PACS1: variants seen among roughly 807,000 people sequenced by gnomAD.
PACS1 encodes phosphofurin acidic cluster sorting protein 1.
Under a neutral mutation model 115.0 loss-of-function variants are expected in PACS1, and 24 were observed. That is an observed-to-expected ratio of 0.21 (90% CI 0.15 to 0.29). PACS1 has a LOEUF of 0.29. Ranked by LOEUF, PACS1 falls within the 10% of genes least tolerant of loss-of-function variation. The pLI is 1.00. For synonymous variants in PACS1, 453 were observed against 504.5 expected, an observed-to-expected ratio of 0.90 and a Z score of 1.37; for missense variants, 838 against 1,251.2, an observed-to-expected ratio of 0.67 and a Z score of 4.98.
intron 1 of PACS1, among the ~76,000 whole-genome samples, chr11:66,136,701 C>A (rs1018022355): frequency 6.6e-6 from 1 of 152,074 alleles, no homozygotes; most frequent in African/African-American, 2.4e-5. Context: ...TTCCACTGAA[C>A]AAGAATTCAG....
intron 1 of PACS1, among the ~76,000 whole-genome samples, chr11:66,136,994 C>A (rs1359958029): frequency 6.6e-5 from 10 of 150,916 alleles, no homozygotes; most frequent in Admixed American, 6.0e-4. Flanking sequence ...TGAAAATAGC[C>A]CTATGTCTTG....
At chr11:66,089,285 A>G (rs879511132) in intron 1 of PACS1, among the ~76,000 whole-genome samples, 1 of 152,160 alleles carries the variant, frequency 6.6e-6, no homozygotes, top group Non-Finnish European at 1.5e-5. Context: ...TTGAGACTCA[A>G]TTGTTAAAGA....
chr11:66,195,412 G>A (rs4930344), intron 2 of PACS1, among the ~76,000 whole-genome samples: 2 of 151,870 alleles, frequency 1.3e-5, no homozygotes, highest in African/African-American at 2.4e-5. Context: ...CCCGATTTTG[G>A]TCCCCATTTC....
intron 3 of PACS1, 61 bp from the exon 4 acceptor site, chr11:66,211,073 A>AG (rs1205360166): frequency 3.8e-5 from 61 of 1,593,082 alleles, no homozygotes; most frequent in Admixed American, 1.3e-4. Flanking sequence ...TGTGTCCTCC[A>AG]GAACCCCTCA....
chr11:66,091,920 A>G (rs11605328), intron 1 of PACS1, among the ~76,000 whole-genome samples: 32,099 of 151,980 alleles, frequency 0.21, 4,402 homozygotes, highest in Non-Finnish European at 0.3. Flanking sequence ...CCAGTCTATC[A>G]TTGTTGGACA....
intron 2 of PACS1, among the ~76,000 whole-genome samples, chr11:66,202,726 G>GGGGAAAAAA (rs1554988658): frequency 9.1e-5 from 1 of 10,954 alleles, no homozygotes; most frequent in African/African-American, 2.4e-4. Flanking sequence ...TCATCTCTAG[G>GGGGAAAAAA]AAAAAAAAAA....
At chr11:66,156,070 C>T (rs1022155702) in intron 1 of PACS1, among the ~76,000 whole-genome samples, 20 of 151,288 alleles carry the variant, frequency 1.3e-4, no homozygotes, top group Non-Finnish European at 2.1e-4. Flanking sequence ...TGCAAAGAGG[C>T]GTAAAGGAAC....
chr11:66,221,063 G>T, intron 9 of PACS1, 91 bp from the exon 10 acceptor site: 1 of 1,260,462 alleles, frequency 7.9e-7, no homozygotes, highest in Non-Finnish European at 1.2e-6. Context: ...GTAGCTTGTT[G>T]ACCCACCCTG....
intron 1 of PACS1, among the ~76,000 whole-genome samples, chr11:66,187,202 G>T (rs761258135): frequency 6.6e-6 from 1 of 151,966 alleles, no homozygotes; most frequent in Non-Finnish European, 1.5e-5. Context: ...TTTTAAAATT[G>T]ACCGATCTTA....
At chr11:66,118,869 A>G (rs1263853543) in intron 1 of PACS1, among the ~76,000 whole-genome samples, 1 of 151,314 alleles carries the variant, frequency 6.6e-6, no homozygotes, top group African/African-American at 2.4e-5. Flanking sequence ...TATTTTTTTG[A>G]GCATCTGTGT....
intron 1 of PACS1, among the ~76,000 whole-genome samples, chr11:66,085,223 G>A (rs1011328845): frequency 7.2e-5 from 11 of 151,872 alleles, no homozygotes; most frequent in Admixed American, 5.9e-4. Context: ...TTGAAAGACT[G>A]GTTTGCTGTA....
chr11:66,189,209 T>C (rs1430071382), intron 1 of PACS1, among the ~76,000 whole-genome samples: 1 of 152,176 alleles, frequency 6.6e-6, no homozygotes, highest in African/African-American at 2.4e-5. Flanking sequence ...CCTTGAGTCA[T>C]GCCATTGAAA....
intron 7 of PACS1, chr11:66,217,491 C>G (rs1267291058): frequency 6.6e-6 from 3 of 451,784 alleles, no homozygotes; most frequent in Non-Finnish European, 8.9e-6. Flanking sequence ...CCAGAGGCAT[C>G]CTGATTCTCC....
intron 1 of PACS1, among the ~76,000 whole-genome samples, chr11:66,073,303 T>C (rs1343407191): frequency 1.3e-5 from 2 of 152,250 alleles, no homozygotes; most frequent in Admixed American, 6.5e-5. Flanking sequence ...TTGTTTAGAA[T>C]ATATAGGCAA....
Position 66,216,856 on chromosome 11 carries a change from T to C in PACS1, c.978+81T>C, listed in dbSNP as rs562365104. The C allele has an allele frequency of 2.5e-4, 224 of 893,568 alleles. 3 individuals carry two copies. In the Admixed American group the frequency reaches 4.3e-3, roughly 17 times the overall value. The allele number at this position is 893,568 out of a possible 1,614,324, so 55.4% of individuals were successfully genotyped here. On this transcript the variant is annotated intron_variant, in intron 7 of 23. Coordinates refer to ENST00000320580, the MANE Select transcript of PACS1 (RefSeq NM_018026.4). ...TTGGCAGCAGCATATTCAGGCCTAG[T>C]GGAGACTTCTTAAAATCAACACAGG...
At chr11:66,156,815 T>C (rs1305474185) in intron 1 of PACS1, among the ~76,000 whole-genome samples, 2 of 150,416 alleles carry the variant, frequency 1.3e-5, no homozygotes, top group African/African-American at 4.9e-5. Context: ...ATGGCGCCAC[T>C]GCACTCCAGC....
rs1855874751 is a variant in PACS1 at position 66,244,199 on chromosome 11, A to G, written c.*919A>G. 1 of 152,040 alleles carries G rather than the reference A, an allele frequency of 6.6e-6. No individual in the cohort carries two copies. Among genetic ancestry groups the G allele is most frequent in the East Asian group, 1.9e-4 (1 of 5,174 alleles). 9.4% of individuals were successfully genotyped at this position (152,040 alleles called of 1,614,324 possible). ...AGATGGGAGGCAGACCCCCACCACC[A>G]TACATGCTGTCTGTGGCCCCTCAGA... On this transcript the variant is annotated 3_prime_UTR_variant, in exon 24 of 24. Coordinates refer to ENST00000320580, the MANE Select transcript of PACS1 (RefSeq NM_018026.4).
intron 1 of PACS1, among the ~76,000 whole-genome samples, chr11:66,114,191 G>T (rs1370540834): frequency 6.6e-6 from 1 of 152,014 alleles, no homozygotes; most frequent in Non-Finnish European, 1.5e-5. Context: ...GGCCGAGGCG[G>T]GCGGATCACA....
chr11:66,156,254 A>ATATATATATAT (rs1491402806), intron 1 of PACS1, among the ~76,000 whole-genome samples: 4 of 82,184 alleles, frequency 4.9e-5, no homozygotes, highest in African/African-American at 1.5e-4. Context: ...ATATATATAT[A>ATATATATATAT]GTTTTTTTTT....
Sources: allele counts gnomAD v4.1 joint callset (sites outside exome capture counted in the v4.1 genomes callset), GRCh38; gene constraint gnomAD v4.1.1; transcripts MANE v1.5; gene names NCBI Gene and HGNC (gene_info 2026-07-23, HGNC 2026-07-21).